The following GSDME variants were observed in gnomAD, a reference collection of about 807,000 sequenced individuals.
GSDME encodes gasdermin E.
In GSDME, 44 loss-of-function variants were observed where a neutral mutation model predicts 47.5. The observed-to-expected ratio is 0.93, with a 90% CI of 0.73 to 1.19. The LOEUF is 1.19. Ranked by LOEUF, GSDME falls within the 50% of genes most tolerant of loss-of-function variation. The pLI is 0.00. For missense variants in GSDME, 663 were observed against 604.2 expected, an observed-to-expected ratio of 1.10 and a Z score of -1.02; for synonymous variants, 258 against 252.8, an observed-to-expected ratio of 1.02 and a Z score of -0.20.
At chr7:24,795,200 G>A in the GSDME span, among the ~76,000 whole-genome samples, 3 of 152,174 alleles carry the variant, frequency 2.0e-5, no homozygotes, top group Non-Finnish European at 2.9e-5. Flanking sequence ...CGTTCCACCA[G>A]GGCAATTACC....
the GSDME span, among the ~76,000 whole-genome samples, chr7:24,783,436 C>G: frequency 4.6e-5 from 7 of 152,242 alleles, no homozygotes; most frequent in Non-Finnish European, 8.8e-5. Flanking sequence ...CAACTACCCT[C>G]GGGGGTTTGC....
intron 7 of GSDME, chr7:24,707,266 C>T (rs1452143919): frequency 2.2e-6 from 1 of 462,212 alleles, no homozygotes; most frequent in Non-Finnish European, 4.4e-6. Flanking sequence ...AACAAAAGAA[C>T]AAAAAACAAA....
upstream of GSDME, among the ~76,000 whole-genome samples, chr7:24,758,929 T>A (rs1302468662): frequency 1.3e-5 from 2 of 152,206 alleles, no homozygotes; most frequent in Admixed American, 6.5e-5. The surrounding 1 kb of genome is among the most constrained non-coding windows in gnomAD (Gnocchi z 4.6). Context: ...ATGGTAGCTA[T>A]CCAGTAAATA....
rs992572744 is a variant in GSDME at position 24,714,379 on chromosome 7, A to G, written c.697+2875T>C. Among the ~76,000 whole-genome samples the G allele has an allele frequency of 6.6e-6, 1 of 152,166 alleles. No homozygotes were observed. The highest frequency in any genetic ancestry group is 2.4e-5 in the African/African-American group (1 of 41,420). ...TTCCAACCACTGCAGGTTTATGTCT[A>G]TGAAGCTATACCAGAACATTCTGTA... On this transcript the variant is annotated intron_variant, in intron 5 of 9. Coordinates refer to ENST00000645220, the MANE Select transcript of GSDME (RefSeq NM_001127453.2). This position sits in a 1 kb window ranked among gnomAD's most constrained non-coding sequence, Gnocchi z 5.0.
the GSDME span, among the ~76,000 whole-genome samples, chr7:24,768,304 T>C: frequency 3.7e-4 from 57 of 152,064 alleles, no homozygotes; most frequent in African/African-American, 1.4e-3. This position sits in a 1 kb window ranked among gnomAD's most constrained non-coding sequence, Gnocchi z 5.6. Context: ...AATAGAAGAA[T>C]GGTAAGATTT....
At position 24,714,981 on chromosome 7, in the gene GSDME, T is replaced by C. The variant is rs34851801; in HGVS notation, c.697+2273A>G. 1.7e-4 allele frequency among the ~76,000 whole-genome samples: 26 copies of C among 152,142 alleles called. No individual in the cohort carries two copies. Among genetic ancestry groups the C allele is most frequent in the Non-Finnish European group, 2.6e-4 (18 of 68,014 alleles). ...ATGTAACTGTCTGTTGATGGACAAA[T>C]AGATAAAGAAAATTGATGTATTTAC... On this transcript the variant is annotated intron_variant, in intron 5 of 9. Transcript: ENST00000645220. This position sits in a 1 kb window ranked among gnomAD's most constrained non-coding sequence, Gnocchi z 5.0.
intron 3 of GSDME, among the ~76,000 whole-genome samples, chr7:24,719,488 G>A (rs1789696092): frequency 6.6e-6 from 1 of 152,156 alleles, no homozygotes; most frequent in African/African-American, 2.4e-5. Flanking sequence ...GGTTGTCAAG[G>A]AGAAGAAAAG....
intron 2 of GSDME, among the ~76,000 whole-genome samples, chr7:24,747,845 T>G (rs1173325328): frequency 6.6e-6 from 1 of 151,936 alleles, no homozygotes; most frequent in East Asian, 1.9e-4. Flanking sequence ...TTTTTCTATT[T>G]TTTTGTAGAG....
the GSDME span, among the ~76,000 whole-genome samples, chr7:24,765,344 T>C: frequency 2.6e-5 from 4 of 152,252 alleles, no homozygotes; most frequent in African/African-American, 4.8e-5. Flanking sequence ...ACAACTTCGC[T>C]ATTTTTAGCT....
chr7:24,749,458 C>T (rs574436799), intron 2 of GSDME, 106 bp downstream of exon 2: 32 of 986,684 alleles, frequency 3.2e-5, no homozygotes, highest in East Asian at 4.8e-5. Context: ...GCCAAGATCA[C>T]GCCACTGCAC....
the GSDME span, among the ~76,000 whole-genome samples, chr7:24,776,966 T>C: frequency 1.3e-5 from 2 of 152,184 alleles, no homozygotes; most frequent in Non-Finnish European, 2.9e-5. Context: ...TTCTTCCTTT[T>C]AGCTTATAAT....
chr7:24,744,726 G>C lies in GSDME; in HGVS notation c.240C>G (p.Tyr80Ter). The change falls in exon 3 of 10, where the codon TAC becomes TAG. Residue 80 changes from tyrosine to a stop codon, truncating the protein, a stop_gained. Transcript: ENST00000645220. LOFTEE classifies it high-confidence loss of function. This position sits in a 1 kb window ranked among gnomAD's most constrained non-coding sequence, Gnocchi z 4.5. ...PVVVESDFVK[Y>*]EGKFANHVSG... ...TCACGTGGTTTGCAAACTTGCCCTCGTATTTCACAAAGTCCGACTCCACGA... is the reference window on the plus strand; with the variant it reads ...TCACGTGGTTTGCAAACTTGCCCTCCTATTTCACAAAGTCCGACTCCACGA... 6.2e-7 allele frequency: 1 copy of C among 1,614,036 alleles called. No homozygotes were observed. Among genetic ancestry groups the C allele is most frequent in the Non-Finnish European group, 8.5e-7 (1 of 1,180,010 alleles).
At chr7:24,706,709 C>T (rs1159575312) in intron 7 of GSDME, among the ~76,000 whole-genome samples, 3 of 152,214 alleles carry the variant, frequency 2.0e-5, no homozygotes, top group East Asian at 1.9e-4. Flanking sequence ...CAAGCATCGT[C>T]TTGTCTTGGT....
chr7:24,759,766 G>A (rs943343874), upstream of GSDME, among the ~76,000 whole-genome samples: 3 of 152,210 alleles, frequency 2.0e-5, no homozygotes, highest in Non-Finnish European at 4.4e-5. Flanking sequence ...CATGGTCTGT[G>A]TTGGGAGAGA....
rs1191161997 is a variant in GSDME at position 24,735,769 on chromosome 7, A to C, written c.404+8793T>G. Among the ~76,000 whole-genome samples, 67 of 71,274 alleles carry C rather than the reference A, an allele frequency of 9.4e-4. No individual in the cohort carries two copies. In the South Asian group the frequency reaches 0.023, roughly 24 times the overall value. The allele number at this position is 71,274 out of a possible 152,430, so 46.8% of individuals were successfully genotyped here. A position where few individuals can be genotyped will look rare whatever the true frequency, so the allele number is the denominator to read the frequency against. On this transcript the variant is annotated intron_variant, in intron 3 of 9. Coordinates refer to ENST00000645220, the MANE Select transcript of GSDME (RefSeq NM_001127453.2). The surrounding 1 kb of genome is among the most constrained non-coding windows in gnomAD (Gnocchi z 4.4). ...GCAAAACTCTATCTCAAAAATAAATAAATAAATAAATAAATAAATAAATAA... is the reference window on the plus strand; with the variant it reads ...GCAAAACTCTATCTCAAAAATAAATCAATAAATAAATAAATAAATAAATAA...
intron 9 of GSDME, among the ~76,000 whole-genome samples, chr7:24,701,577 G>C (rs1584041686): frequency 6.6e-6 from 1 of 152,190 alleles, no homozygotes; most frequent in South Asian, 2.1e-4. Flanking sequence ...CTTAGTAAAT[G>C]CTGAGCACTC....
In GSDME at chr7:24,725,746, T is replaced by G. The variant is rs926081293; in HGVS notation, c.405-6528A>C. On this transcript the variant is annotated intron_variant, in intron 3 of 9. Coordinates refer to ENST00000645220, the MANE Select transcript of GSDME (RefSeq NM_001127453.2). The surrounding 1 kb of genome is among the most constrained non-coding windows in gnomAD (Gnocchi z 5.1). ...AACTGATTAGGTCAGGGGTCAATCT[T>G]TAACGACCAGGCCCAGGGTGTGACG... Among the ~76,000 whole-genome samples, 1 of 152,194 alleles carries G rather than the reference T, an allele frequency of 6.6e-6. No individual in the cohort carries two copies. The highest frequency in any genetic ancestry group is 1.5e-5 in the Non-Finnish European group (1 of 68,032).
intron 8 of GSDME, chr7:24,704,424 T>TC (rs1434840117): frequency 6.6e-6 from 1 of 152,156 alleles, no homozygotes; most frequent in Non-Finnish European, 1.5e-5. Context: ...TCCAGCACTT[T>TC]CCTCAGTTTT....
intron 7 of GSDME, 54 bp downstream of exon 7, chr7:24,708,073 C>T (rs1789189519): frequency 6.2e-7 from 1 of 1,610,032 alleles, no homozygotes; most frequent in Admixed American, 1.7e-5. Flanking sequence ...TGCCTCCTCC[C>T]CTGTTCCAGA....
Sources: allele counts gnomAD v4.1 joint callset (sites outside exome capture counted in the v4.1 genomes callset), GRCh38; gene constraint gnomAD v4.1.1; non-coding constraint Gnocchi (gnomAD v3.1); transcripts MANE v1.5; gene names NCBI Gene and HGNC (gene_info 2026-07-23, HGNC 2026-07-21).